Variants in DNAJB11 observed in about 807,000 individuals in gnomAD.
DNAJB11 encodes dnaJ homolog subfamily B member 11.
In DNAJB11, 30 loss-of-function variants were observed where a neutral mutation model predicts 47.2. The observed-to-expected ratio is 0.64, with a 90% CI of 0.48 to 0.86. DNAJB11 has a LOEUF of 0.86. DNAJB11 is among the 40% of genes least tolerant of loss of function. The pLI is 0.00. For synonymous variants in DNAJB11, 151 were observed against 159.9 expected, an observed-to-expected ratio of 0.94 and a Z score of 0.42; for missense variants, 357 against 440.2, an observed-to-expected ratio of 0.81 and a Z score of 1.69.
At chr3:186,577,337 A>C (rs1412585830) in intron 3 of DNAJB11, among the ~76,000 whole-genome samples, 1 of 152,192 alleles carries the variant, frequency 6.6e-6, no homozygotes, top group Non-Finnish European at 1.5e-5. Context: ...ATTTTTCCCA[A>C]TATTGAAAGA....
intron 1 of DNAJB11, 39 bp from the exon 2 acceptor site, chr3:186,572,056 T>A (rs1715078822): frequency 1.3e-6 from 2 of 1,495,576 alleles, no homozygotes; most frequent in African/African-American, 2.8e-5. Context: ...ATGTAACATG[T>A]AACTCTTTAA....
chr3:186,585,226 A>G, intron 9 of DNAJB11, 118 bp from the exon 10 acceptor site: 2 of 697,704 alleles, frequency 2.9e-6, no homozygotes, highest in Non-Finnish European at 4.8e-6. Context: ...TAGTTATTTA[A>G]TTCACATCCA....
intron 9 of DNAJB11, 111 bp downstream of exon 9, chr3:186,584,700 A>T: frequency 9.0e-7 from 1 of 1,113,988 alleles, no homozygotes; most frequent in African/African-American, 1.7e-5. Flanking sequence ...ATGAGACATC[A>T]ATCATTAATG....
intron 1 of DNAJB11, 105 bp from the exon 2 acceptor site, chr3:186,571,990 C>G: frequency 1.0e-6 from 1 of 1,000,004 alleles, no homozygotes; most frequent in Non-Finnish European, 1.4e-6. Flanking sequence ...TTTTATACCT[C>G]TTTGCTCAGA....
intron 7 of DNAJB11, among the ~76,000 whole-genome samples, chr3:186,583,065 G>A (rs1217243149): frequency 6.6e-6 from 1 of 152,208 alleles, no homozygotes; most frequent in Non-Finnish European, 1.5e-5. Context: ...GATTTTAGCT[G>A]AAGAAGTATG....
chr3:186,572,003 C>G, intron 1 of DNAJB11, 92 bp from the exon 2 acceptor site: 1 of 1,182,104 alleles, frequency 8.5e-7, no homozygotes, highest in East Asian at 2.4e-5. Context: ...TGCTCAGATA[C>G]AAACCTAAAT....
At chr3:186,576,155 A>G (rs1192155858) in intron 3 of DNAJB11, among the ~76,000 whole-genome samples, 1 of 152,238 alleles carries the variant, frequency 6.6e-6, no homozygotes, top group Non-Finnish European at 1.5e-5. Context: ...CCATCTAGCC[A>G]ACCATATCAG....
intron 2 of DNAJB11, among the ~76,000 whole-genome samples, chr3:186,575,623 A>C (rs1715264750): frequency 6.6e-6 from 1 of 152,248 alleles, no homozygotes; most frequent in East Asian, 1.9e-4. Flanking sequence ...TTAAATTAAA[A>C]ACATGAATGG....
At chr3:186,570,990 A>C in intron 1 of DNAJB11, 25 bp downstream of exon 1, 1 of 1,001,528 alleles carries the variant, frequency 1.0e-6, no homozygotes, top group Non-Finnish European at 1.4e-6. Context: ...CTCGCAGACA[A>C]CGGGGCCTGT....
chr3:186,584,432 A>G lies in DNAJB11; in HGVS notation c.855A>G (p.Val285=). 6.5e-7 allele frequency: 1 copy of G among 1,549,800 alleles called. No homozygotes were observed. Among genetic ancestry groups the G allele is most frequent in the South Asian group, 1.3e-5 (1 of 79,578 alleles). ...GTACATTCCCTTTGGTTTTCTAGGT[A>G]CATATTTCCCGGGATAAGATCACCA... ...MDITHLDGHK[V]HISRDKITRP... The change falls in exon 9 of 10, where the codon GTA becomes GTG. Residue 285 remains valine, a splice_region_variant and synonymous_variant. Transcript: ENST00000265028.
intron 2 of DNAJB11, among the ~76,000 whole-genome samples, chr3:186,573,393 A>AT (rs971142721): frequency 2.9e-4 from 44 of 150,560 alleles, no homozygotes; most frequent in African/African-American, 9.0e-4. Context: ...ATTCTTTTTT[A>AT]TTTTTTTTTG....
At chr3:186,571,015 T>TTGGGG in intron 1 of DNAJB11, 50 bp downstream of exon 1, 1 of 144,534 alleles carries the variant, frequency 6.9e-6, no homozygotes, top group Non-Finnish European at 1.5e-5. Context: ...CAGCCTTTGC[T>TTGGGG]GGGGGGTGGG....
intron 3 of DNAJB11, among the ~76,000 whole-genome samples, chr3:186,577,145 A>G (rs1715328174): frequency 6.6e-6 from 1 of 152,226 alleles, no homozygotes; most frequent in Non-Finnish European, 1.5e-5. Flanking sequence ...ATTTAATTAC[A>G]TACTCAAGAT....
At position 186,582,705 on chromosome 3, in the gene DNAJB11, G is replaced by C; in HGVS notation, c.683-11G>C. ...TATGATTTACAATATGCTGTAATCT[G>C]CTCTGACTAGGTGAGCCTCACGTGG... On this transcript the variant is annotated splice_polypyrimidine_tract_variant and intron_variant, in intron 6 of 9. Coordinates refer to ENST00000265028, the MANE Select transcript of DNAJB11 (RefSeq NM_016306.6). 1 of 1,584,964 alleles carries C rather than the reference G, an allele frequency of 6.3e-7. No homozygotes were observed. The highest frequency in any genetic ancestry group is 8.6e-7 in the Non-Finnish European group (1 of 1,163,286).
In DNAJB11 at chr3:186,577,818, A is replaced by C; in HGVS notation, c.456+18A>C. On this transcript the variant is annotated intron_variant, in intron 4 of 9. Coordinates refer to ENST00000265028, the MANE Select transcript of DNAJB11 (RefSeq NM_016306.6). ...TTGTGGAAGTAAGTTCAAACAATAT[A>C]GCTGTTCATATTGACTCCCAGAACT... 2 of 1,576,242 alleles carry C rather than the reference A, an allele frequency of 1.3e-6. No individual in the cohort carries two copies. Among genetic ancestry groups the C allele is most frequent in the South Asian group, 2.4e-5 (2 of 83,754 alleles).
chr3:186,571,965 C>T lies in DNAJB11; in HGVS notation c.69-130C>T, dbSNP rs1338955880. 1.5e-5 allele frequency: 10 copies of T among 672,202 alleles called. No homozygotes were observed. In the African/African-American group the frequency reaches 1.8e-4, roughly 12 times the overall value. The allele number at this position is 672,202 out of a possible 1,614,324, so 41.6% of individuals were successfully genotyped here. A position where few individuals can be genotyped will look rare whatever the true frequency, so the allele number is the denominator to read the frequency against. ...AGTCATTCTTTGTGTGTGTATGTGT[C>T]ACATAAACCTTCATTTTTATACCTC... On this transcript the variant is annotated intron_variant, in intron 1 of 9. Coordinates refer to ENST00000265028, the MANE Select transcript of DNAJB11 (RefSeq NM_016306.6).
At chr3:186,573,527 A>T (rs1578984750) in intron 2 of DNAJB11, among the ~76,000 whole-genome samples, 1 of 152,018 alleles carries the variant, frequency 6.6e-6, no homozygotes, top group Non-Finnish European at 1.5e-5. Flanking sequence ...CTGGGACTAC[A>T]GCTGTGCACC....
At chr3:186,575,270 A>C (rs1715232424) in intron 2 of DNAJB11, among the ~76,000 whole-genome samples, 1 of 152,238 alleles carries the variant, frequency 6.6e-6, no homozygotes, top group South Asian at 2.1e-4. Context: ...AAAAAATGAA[A>C]AAAGGAGGAT....
At chr3:186,573,286 G>A (rs1168338788) in intron 2 of DNAJB11, among the ~76,000 whole-genome samples, 2 of 152,178 alleles carry the variant, frequency 1.3e-5, no homozygotes, top group African/African-American at 2.4e-5. Flanking sequence ...GATTAAAGAA[G>A]CAATGGAATT....
Sources: allele counts gnomAD v4.1 joint callset (sites outside exome capture counted in the v4.1 genomes callset), GRCh38; gene constraint gnomAD v4.1.1; transcripts MANE v1.5; gene names NCBI Gene and HGNC (gene_info 2026-07-23, HGNC 2026-07-21).